ALPK1: variants seen among roughly 807,000 people sequenced by gnomAD.
ALPK1 encodes alpha kinase 1.
ALPK1 carries 110 observed loss-of-function variants against 120.6 expected under a neutral mutation model. The ratio of observed to expected loss-of-function variants is 0.91; its 90% CI spans 0.78 to 1.07. The LOEUF (loss-of-function observed/expected upper bound fraction) is 1.07, where lower values mean the gene tolerates loss of function less well. ALPK1 is among the 50% of genes least tolerant of loss of function. The pLI, the probability that ALPK1 is intolerant of heterozygous loss-of-function variation, is 0.00. For missense variants in ALPK1, 1,498 were observed against 1,483.9 expected (o/e 1.01, Z -0.16); for synonymous variants, 582 against 560.3 (o/e 1.04, Z -0.55).
At chr4:112,434,945 T>G (rs1481705214) in intron 11 of ALPK1, among the ~76,000 whole-genome samples, 2 of 152,232 alleles carry the variant, frequency 1.3e-5, no homozygotes, top group Non-Finnish European at 2.9e-5. Flanking sequence ...CTCATTGTAA[T>G]TTATAAAGTG....
chr4:112,377,744 T>C lies in ALPK1; in HGVS notation c.-34T>C. 6.3e-7 allele frequency: 1 copy of C among 1,590,748 alleles called. No individual in the cohort carries two copies. The highest frequency in any genetic ancestry group is 2.3e-5 in the East Asian group (1 of 44,092). On this transcript the variant is annotated 5_prime_UTR_variant, in exon 3 of 16. Coordinates refer to ENST00000650871, the MANE Select transcript of ALPK1 (RefSeq NM_025144.4). ...TCTTCTCCTAGGTAATTGATCACCC[T>C]AGACCCAGGGACACCCAATTCATCG...
At chr4:112,408,915 A>G (rs2148747200) in intron 4 of ALPK1, among the ~76,000 whole-genome samples, 1 of 152,298 alleles carries the variant, frequency 6.6e-6, no homozygotes. Flanking sequence ...GTAAACACAT[A>G]AAAGGGGATG....
intron 2 of ALPK1, among the ~76,000 whole-genome samples, chr4:112,365,182 A>G (rs1448978574): frequency 6.6e-6 from 1 of 152,206 alleles, no homozygotes; most frequent in East Asian, 1.9e-4. Context: ...TCTATTCAAC[A>G]TAGTGCTGGA....
At chr4:112,327,856 C>G (rs1729183683) in intron 2 of ALPK1, among the ~76,000 whole-genome samples, 1 of 152,094 alleles carries the variant, frequency 6.6e-6, no homozygotes, top group Admixed American at 6.5e-5. Flanking sequence ...ACCTTTTAAC[C>G]CTCAATCCCT....
In ALPK1 at chr4:112,307,740, C is replaced by G. The variant is rs185817134; in HGVS notation, c.-152-8061C>G. 1.1e-3 allele frequency among the ~76,000 whole-genome samples: 161 copies of G among 152,180 alleles called. 1 individual carries two copies. The highest frequency in any genetic ancestry group is 3.4e-3 in the Middle Eastern group (1 of 294). The stretch of plus-strand genomic sequence containing the variant: ...TGTCTTTTAATTAGAGCATTTAGCC[C>G]ATTTACATTTAAGGCTAATATTGTT... On this transcript the variant is annotated intron_variant, in intron 1 of 15. Coordinates refer to ENST00000650871, the MANE Select transcript of ALPK1 (RefSeq NM_025144.4).
intron 2 of ALPK1, among the ~76,000 whole-genome samples, chr4:112,330,621 C>T (rs1729327278): frequency 1.3e-5 from 2 of 152,138 alleles, no homozygotes; most frequent in African/African-American, 4.8e-5. Flanking sequence ...GTGGCCTGTC[C>T]TTGGGTGAAA....
Position 112,404,451 on chromosome 4 carries a change from TG to T in ALPK1, c.277-7375del, listed in dbSNP as rs1268825561. On this transcript the variant is annotated intron_variant, in intron 4 of 15. Coordinates refer to ENST00000650871, the MANE Select transcript of ALPK1 (RefSeq NM_025144.4). ...ATGAATATTATCCACATTTCACAAA[TG>T]AGGTCATTGAGAATAGAGCAGTTAA... 2.0e-5 allele frequency among the ~76,000 whole-genome samples: 3 copies of T among 152,234 alleles called. No homozygotes were observed. In the East Asian group the frequency reaches 5.8e-4, roughly 29 times the overall value.
intron 2 of ALPK1, chr4:112,358,498 C>A: frequency 1.5e-6 from 1 of 679,820 alleles, no homozygotes; most frequent in East Asian, 2.6e-5. Flanking sequence ...AGCAGAGGCC[C>A]TCAGGGTCAC....
Position 112,411,997 on chromosome 4 carries a change from TC to T in ALPK1, c.448del (p.Arg150AlafsTer7). On this transcript the variant is annotated frameshift_variant, in exon 5 of 16. Coordinates refer to ENST00000650871, the MANE Select transcript of ALPK1 (RefSeq NM_025144.4). LOFTEE classifies it high-confidence loss of function. ...CGCCAATTGCCCCGCAGGTGGTTAT[TC>T]GCCAAGCCCGAATCTCCGTGAACTC... ...ATPIAPQVVI[R>X]QARISVNSGK... 6.2e-7 allele frequency: 1 copy of T among 1,614,128 alleles called. No individual in the cohort carries two copies. The highest frequency in any genetic ancestry group is 8.5e-7 in the Non-Finnish European group (1 of 1,180,034).
chr4:112,396,065 G>GGAAA (rs1197832469), intron 4 of ALPK1, among the ~76,000 whole-genome samples: 2 of 151,766 alleles, frequency 1.3e-5, no homozygotes, highest in African/African-American at 4.8e-5. Context: ...TGTTTCATTA[G>GGAAA]GAAAGAAAGA....
At chr4:112,421,842 T>C (rs1440531523) in intron 5 of ALPK1, among the ~76,000 whole-genome samples, 1 of 152,226 alleles carries the variant, frequency 6.6e-6, no homozygotes, top group Non-Finnish European at 1.5e-5. Flanking sequence ...GGATGCATCC[T>C]TACCATAGAC....
intron 1 of ALPK1, among the ~76,000 whole-genome samples, chr4:112,297,992 G>T (rs1322463620): frequency 6.6e-6 from 1 of 152,152 alleles, no homozygotes; most frequent in Non-Finnish European, 1.5e-5. Flanking sequence ...GAATTGACGG[G>T]AATTCTGAGT....
intron 15 of ALPK1, 23 bp from the exon 16 acceptor site, chr4:112,441,178 CAA>C (rs764338966): frequency 6.2e-7 from 1 of 1,612,488 alleles, no homozygotes; most frequent in Non-Finnish European, 8.5e-7. Context: ...GTGATGCTCG[CAA>C]ATATCTGGTT....
intron 1 of ALPK1, among the ~76,000 whole-genome samples, chr4:112,304,394 C>T (rs2110521747): frequency 6.6e-6 from 1 of 152,266 alleles, no homozygotes; most frequent in South Asian, 2.1e-4. Flanking sequence ...TATTTCTCCA[C>T]ATCCTCTCCA....
intron 4 of ALPK1, among the ~76,000 whole-genome samples, chr4:112,400,023 A>G (rs930322380): frequency 3.9e-5 from 6 of 152,092 alleles, no homozygotes; most frequent in Non-Finnish European, 2.9e-5. Flanking sequence ...GTTGGTTCCA[A>G]GTCTTTGCTA....
intron 1 of ALPK1, among the ~76,000 whole-genome samples, chr4:112,312,191 T>C (rs1050829345): frequency 2.6e-5 from 4 of 152,242 alleles, no homozygotes; most frequent in Non-Finnish European, 4.4e-5. Context: ...ATAATTCTTA[T>C]GTTCTTTTAT....
intron 6 of ALPK1, among the ~76,000 whole-genome samples, chr4:112,424,546 T>C (rs1734142556): frequency 6.6e-6 from 1 of 152,240 alleles, no homozygotes; most frequent in Non-Finnish European, 1.5e-5. Flanking sequence ...TCAGATATCT[T>C]GTCTGAATTT....
At chr4:112,416,632 A>C (rs1435671697) in intron 5 of ALPK1, among the ~76,000 whole-genome samples, 1 of 152,110 alleles carries the variant, frequency 6.6e-6, no homozygotes, top group Non-Finnish European at 1.5e-5. Flanking sequence ...CCAGGACTTT[A>C]GGAGGCCAAG....
intron 2 of ALPK1, among the ~76,000 whole-genome samples, chr4:112,355,436 C>T (rs186344354): frequency 2.0e-5 from 3 of 152,118 alleles, no homozygotes; most frequent in Non-Finnish European, 4.4e-5. Flanking sequence ...GAGGTCAGGG[C>T]TATCAGGATC....
Sources: allele counts gnomAD v4.1 joint callset (sites outside exome capture counted in the v4.1 genomes callset), GRCh38; gene constraint gnomAD v4.1.1; transcripts MANE v1.5; gene names NCBI Gene and HGNC (gene_info 2026-07-23, HGNC 2026-07-21).